The following COL22A1 variants were observed in gnomAD, a reference collection of about 807,000 sequenced individuals.
COL22A1 encodes collagen type XXII alpha 1 chain.
A neutral mutation model predicts 248.9 loss-of-function variants in COL22A1; 221 were observed. The ratio of observed to expected loss-of-function variants is 0.89; its 90% CI spans 0.80 to 0.99. The LOEUF (loss-of-function observed/expected upper bound fraction) is 0.99, where lower values mean the gene tolerates loss of function less well. COL22A1 is among the 50% of genes least tolerant of loss of function. COL22A1 has a pLI of 0.00. For missense variants in COL22A1, 2,240 were observed against 2,179.0 expected (o/e 1.03, Z -0.56); for synonymous variants, 891 against 793.4 (o/e 1.12, Z -2.07).
In COL22A1 at chr8:138,778,357, G is replaced by T. The variant is rs780293240; in HGVS notation, c.1754C>A (p.Ala585Asp). The change falls in exon 15 of 65, where the codon GCT (alanine) becomes GAT (aspartate). Residue 585 changes from alanine (A) to aspartate (D), a missense_variant. Coordinates refer to ENST00000303045, the MANE Select transcript of COL22A1 (RefSeq NM_152888.3). Reference protein sequence around the residue: ...GLPGPPGRVGAPGLQGERGEK... With the variant: ...GLPGPPGRVGDPGLQGERGEK... ...CAGACAAGTGCCTTCACTTACAGGA[G>T]CTCCGACACGTCCAGGAGGTCCGGG... 1 of 1,613,880 alleles carries T rather than the reference G, an allele frequency of 6.2e-7. No homozygotes were observed. The highest frequency in any genetic ancestry group is 1.7e-5 in the Admixed American group (1 of 59,982).
intron 3 of COL22A1, among the ~76,000 whole-genome samples, chr8:138,851,008 G>C (rs1821599058): frequency 6.6e-6 from 1 of 152,232 alleles, no homozygotes; most frequent in African/African-American, 2.4e-5. Context: ...ACAGGTGAGT[G>C]GCTCCTGCCC....
At chr8:138,774,362 T>A (rs972278525) in intron 16 of COL22A1, among the ~76,000 whole-genome samples, 7 of 151,810 alleles carry the variant, frequency 4.6e-5, no homozygotes, top group Non-Finnish European at 7.4e-5. Context: ...TAATCATAAA[T>A]TTGAAAATAA....
intron 47 of COL22A1, among the ~76,000 whole-genome samples, chr8:138,645,363 C>T (rs914128414): frequency 3.9e-5 from 6 of 152,152 alleles, no homozygotes; most frequent in East Asian, 1.9e-4. Context: ...CTCATCCCTG[C>T]GAGCAGCCCG....
At chr8:138,596,767 C>G (rs968349473) in intron 62 of COL22A1, 137 bp downstream of exon 62, 10 of 755,360 alleles carry the variant, frequency 1.3e-5, no homozygotes, top group Non-Finnish European at 2.3e-5. Context: ...AGGGCATTCC[C>G]CAACCCTGAT....
intron 49 of COL22A1, among the ~76,000 whole-genome samples, chr8:138,633,467 G>A (rs1022782144): frequency 1.3e-5 from 2 of 152,196 alleles, no homozygotes; most frequent in African/African-American, 4.8e-5. Context: ...TGGTTTCATT[G>A]GGAACATGTT....
intron 23 of COL22A1, among the ~76,000 whole-genome samples, chr8:138,734,948 T>A (rs1586604357): frequency 6.6e-6 from 1 of 152,018 alleles, no homozygotes; most frequent in Non-Finnish European, 1.5e-5. Flanking sequence ...TTCTCACTCA[T>A]AAGTGGGAGT....
chr8:138,786,860 T>C (rs746821318), intron 12 of COL22A1, among the ~76,000 whole-genome samples: 14 of 152,084 alleles, frequency 9.2e-5, no homozygotes, highest in Non-Finnish European at 1.0e-4. Context: ...GCCGAGATCA[T>C]GCCACTGCAC....
At chr8:138,857,135 G>A (rs1252417891) in intron 3 of COL22A1, among the ~76,000 whole-genome samples, 6 of 151,212 alleles carry the variant, frequency 4.0e-5, no homozygotes, top group East Asian at 3.9e-4. Flanking sequence ...CTCTGCCCAC[G>A]CCTGCCCCTA....
At chr8:138,634,386 G>T (rs892511580) in intron 49 of COL22A1, among the ~76,000 whole-genome samples, 3 of 152,044 alleles carry the variant, frequency 2.0e-5, no homozygotes, top group African/African-American at 7.2e-5. Flanking sequence ...ACTGGTCCTG[G>T]GCTTGGCAGG....
chr8:138,716,143 G>A (rs1016421548), intron 29 of COL22A1, 84 bp downstream of exon 29: 28 of 1,048,692 alleles, frequency 2.7e-5, no homozygotes, highest in African/African-American at 1.4e-4. Flanking sequence ...TGACTGTCCC[G>A]AGGGACTGAG....
At chr8:138,821,093 G>A (rs374889021) in intron 7 of COL22A1, 43 bp downstream of exon 7, 23 of 1,598,672 alleles carry the variant, frequency 1.4e-5, no homozygotes, top group Middle Eastern at 1.7e-4. Flanking sequence ...GCTTCTCCCC[G>A]GTGGCCTGGA....
chr8:138,794,161 C>T (rs1321529201), intron 12 of COL22A1, among the ~76,000 whole-genome samples: 7 of 151,992 alleles, frequency 4.6e-5, no homozygotes, highest in African/African-American at 1.4e-4. Context: ...CTGAGGCAGG[C>T]GGATCACCTG....
chr8:138,756,176 G>A (rs1193787563), intron 18 of COL22A1, among the ~76,000 whole-genome samples: 2 of 152,130 alleles, frequency 1.3e-5, no homozygotes, highest in Admixed American at 6.5e-5. Context: ...CCCTGCCTGC[G>A]CCAGCCACTG....
intron 39 of COL22A1, among the ~76,000 whole-genome samples, chr8:138,681,368 G>A (rs4540440): frequency 0.97 from 147,560 of 152,192 alleles, 71,586 homozygotes; most frequent in East Asian, 1. Flanking sequence ...CATTGGATCA[G>A]TGGATCACTA....
chr8:138,691,969 T>TGA, intron 35 of COL22A1, among the ~76,000 whole-genome samples: 1 of 148,722 alleles, frequency 6.7e-6, no homozygotes, highest in Non-Finnish European at 1.5e-5. Flanking sequence ...GAGGTGCATG[T>TGA]GTGGAGGTGT....
At position 138,720,730 on chromosome 8, in the gene COL22A1, A is replaced by C. The variant is rs1829807994; in HGVS notation, c.2355+9T>G. 1.2e-6 allele frequency: 2 copies of C among 1,612,200 alleles called. No individual in the cohort carries two copies. Among genetic ancestry groups the C allele is most frequent in the African/African-American group, 2.7e-5 (2 of 74,894 alleles). On this transcript the variant is annotated intron_variant, in intron 27 of 64. Transcript: ENST00000303045. ...CAAGCATAATGGGAAAAAGAGGCAA[A>C]GTCCATACCCGAAGGCCTGGTTTTC...
intron 39 of COL22A1, among the ~76,000 whole-genome samples, chr8:138,683,755 A>G (rs1207033302): frequency 6.6e-6 from 1 of 152,176 alleles, no homozygotes; most frequent in Non-Finnish European, 1.5e-5. Context: ...CCATAGACCT[A>G]GTGTCCATGA....
At chr8:138,651,873 A>G (rs955601337) in intron 45 of COL22A1, among the ~76,000 whole-genome samples, 14 of 152,142 alleles carry the variant, frequency 9.2e-5, no homozygotes, top group African/African-American at 3.4e-4. Context: ...AAAAGATTAT[A>G]CCTGAGTAAT....
At chr8:138,619,755 C>T (rs1819621034) in intron 52 of COL22A1, among the ~76,000 whole-genome samples, 1 of 152,114 alleles carries the variant, frequency 6.6e-6, no homozygotes, top group Non-Finnish European at 1.5e-5. Context: ...ATTAATTATG[C>T]TTAGTACCCC....
Sources: allele counts gnomAD v4.1 joint callset (sites outside exome capture counted in the v4.1 genomes callset), GRCh38; gene constraint gnomAD v4.1.1; transcripts MANE v1.5; gene names NCBI Gene and HGNC (gene_info 2026-07-23, HGNC 2026-07-21).